CDCA2: variants seen among roughly 807,000 people sequenced by gnomAD.
CDCA2 encodes the protein cell division cycle associated 2.
CDCA2 carries 44 observed loss-of-function variants against 67.0 expected under a neutral mutation model. The ratio of observed to expected loss-of-function variants is 0.66; its 90% confidence interval spans 0.52 to 0.84. The LOEUF (loss-of-function observed/expected upper bound fraction) is 0.84, where lower values mean the gene tolerates loss of function less well. Ranked by LOEUF, CDCA2 falls within the 40% of genes least tolerant of loss-of-function variation. The pLI, the probability that CDCA2 is intolerant of heterozygous loss-of-function variation, is 0.00. For missense variants in CDCA2, 1,253 were observed against 1,203.2 expected, an observed-to-expected ratio of 1.04 and a Z score of -0.61; for synonymous variants, 447 against 418.7, an observed-to-expected ratio of 1.07 and a Z score of -0.82.
chr8:25,491,934 A>G (rs1804021194), intron 13 of CDCA2, among the ~76,000 whole-genome samples: 1 of 152,112 alleles, frequency 6.6e-6, no homozygotes, highest in Non-Finnish European at 1.5e-5. Flanking sequence ...GTTAGCTGGG[A>G]CTACAGGAAC....
intron 13 of CDCA2, among the ~76,000 whole-genome samples, chr8:25,496,362 A>C (rs1384860733): frequency 1.3e-5 from 2 of 152,152 alleles, no homozygotes; most frequent in Non-Finnish European, 2.9e-5. Flanking sequence ...TTTGAGCTCT[A>C]TTTCAGGTAA....
Position 25,462,206 on chromosome 8 carries a change from C to G in CDCA2, c.385C>G (p.Gln129Glu), listed in dbSNP as rs755314359. The change falls in exon 4 of 15, where the codon CAG becomes GAG. Residue 129 changes from glutamine to glutamate, a missense_variant and splice_region_variant. By Grantham distance (29) the Gln-to-Glu change is conservative. Transcript: ENST00000330560. ...KSPLAQDSPS[Q>E]GSPALYRNVN... ...TCCTTTGGCACAAGATTCTCCTTCC[C>G]AGGTATGATTTTCTTCTAAGTTCTG... The G allele has an allele frequency of 3.7e-6, 6 of 1,613,734 alleles. No homozygotes were observed.
chr8:25,501,543 G>T (rs773826775), intron 13 of CDCA2, among the ~76,000 whole-genome samples: 1 of 152,242 alleles, frequency 6.6e-6, no homozygotes, highest in Non-Finnish European at 1.5e-5. Flanking sequence ...GTGCTGTGCT[G>T]TCTCACTTTG....
rs546550162 is a variant in CDCA2 at position 25,491,175 on chromosome 8, G to A, written c.1671+2486G>A. On this transcript the variant is annotated intron_variant, in intron 13 of 14. Transcript: ENST00000330560. ...CTCCCAGAAGATAGAGCAAAAGAAA[G>A]ACTGGAAACGAGAATCTAGGAGACA... is the stretch of plus-strand genomic sequence containing the variant. 9.7e-4 allele frequency among the ~76,000 whole-genome samples: 148 copies of A among 152,224 alleles called. 1 individual carries two copies. The South Asian group carries it at 0.03, about 31-fold the overall frequency.
At chr8:25,488,808 C>T (rs976760712) in intron 13 of CDCA2, 119 bp downstream of exon 13, 8 of 1,007,878 alleles carry the variant, frequency 7.9e-6, no homozygotes, top group Non-Finnish European at 2.7e-6. Context: ...ATTATTAATG[C>T]AATCTTACCG....
In CDCA2 at chr8:25,483,891, G is replaced by T. The variant is rs1017996971; in HGVS notation, c.1121-75G>T. The T allele has an allele frequency of 1.1e-5, 14 of 1,264,528 alleles. No individual in the cohort carries two copies. The Admixed American group carries it at 2.7e-4, about 25-fold the overall frequency. 78.3% of individuals were successfully genotyped at this position (1,264,528 alleles called of 1,614,324 possible). ...ATAGCTGAATATTATCACATTAAAA[G>T]ATTCTAGTATATGCCTTTTAGATAA... On this transcript the variant is annotated intron_variant, in intron 9 of 14. Transcript: ENST00000330560.
chr8:25,467,056 A>AAG (rs1802934050), intron 5 of CDCA2, among the ~76,000 whole-genome samples: 1 of 142,000 alleles, frequency 7.0e-6, no homozygotes, highest in Non-Finnish European at 1.5e-5. Context: ...AAAAAAAAAA[A>AAG]AAAAAAAAAA....
Position 25,493,456 on chromosome 8 carries a change from T to C in CDCA2, c.1671+4767T>C, listed in dbSNP as rs141460744. On this transcript the variant is annotated intron_variant, in intron 13 of 14. Transcript: ENST00000330560. ...CTTTTGAACCATACAGCATGGAGCATGCGTAAGGAAAAAAATCCCCATAAG... is the reference window on the plus strand; with the variant it reads ...CTTTTGAACCATACAGCATGGAGCACGCGTAAGGAAAAAAATCCCCATAAG... Among the ~76,000 whole-genome samples, 107 of 152,162 alleles carry C rather than the reference T, an allele frequency of 7.0e-4. 1 individual carries two copies. The highest frequency in any genetic ancestry group is 2.5e-3 in the African/African-American group (104 of 41,512).
chr8:25,475,339 T>TATTATAAGTATTATTTAAAGTATACGG (rs1803306365), intron 7 of CDCA2, among the ~76,000 whole-genome samples: 1 of 152,020 alleles, frequency 6.6e-6, no homozygotes, highest in Non-Finnish European at 1.5e-5. Context: ...ACCAATATGG[T>TATTATAAGTATTATTTAAAGTATACGG]GAAATCCCGG....
chr8:25,472,609 G>A (rs370186520), intron 7 of CDCA2, among the ~76,000 whole-genome samples: 13 of 151,334 alleles, frequency 8.6e-5, no homozygotes, highest in African/African-American at 2.4e-4. Flanking sequence ...AATATCCAAC[G>A]CTCCTTCCTT....
chr8:25,464,359 T>C (rs552395498), intron 4 of CDCA2, among the ~76,000 whole-genome samples: 1 of 152,340 alleles, frequency 6.6e-6, no homozygotes, highest in South Asian at 2.1e-4. Context: ...GAGGCTGCAG[T>C]GAGCTGTGAT....
At chr8:25,486,486 T>C (rs11135870) in intron 11 of CDCA2, among the ~76,000 whole-genome samples, 146,303 of 152,206 alleles carry the variant, frequency 0.96, 70,551 homozygotes, top group East Asian at 1. Context: ...CCCTTAAACA[T>C]ATTATACCAC....
At chr8:25,490,893 A>C (rs539665571) in intron 13 of CDCA2, among the ~76,000 whole-genome samples, 8 of 152,162 alleles carry the variant, frequency 5.3e-5, no homozygotes, top group Non-Finnish European at 1.0e-4. Flanking sequence ...ATACCAACTT[A>C]CCCAATCTTA....
At chr8:25,486,330 A>G (rs943343808) in intron 11 of CDCA2, among the ~76,000 whole-genome samples, 10 of 152,178 alleles carry the variant, frequency 6.6e-5, no homozygotes, top group Admixed American at 3.3e-4. Flanking sequence ...GTCATGGGCC[A>G]GGCACCTTTA....
At chr8:25,504,700 A>G (rs980315553) in intron 14 of CDCA2, among the ~76,000 whole-genome samples, 2 of 152,082 alleles carry the variant, frequency 1.3e-5, no homozygotes, top group African/African-American at 2.4e-5. Context: ...TTCTCCTGCC[A>G]TGCTTTCTCA....
chr8:25,467,343 C>G (rs528052241), intron 5 of CDCA2, among the ~76,000 whole-genome samples: 1 of 152,192 alleles, frequency 6.6e-6, no homozygotes, highest in African/African-American at 2.4e-5. Flanking sequence ...CTCTGTTAGC[C>G]CAAGACAAGT....
chr8:25,494,393 A>G (rs1056116277), intron 13 of CDCA2, among the ~76,000 whole-genome samples: 3 of 152,214 alleles, frequency 2.0e-5, no homozygotes, highest in South Asian at 2.1e-4. Context: ...CATATTAACT[A>G]TGTAGCATTT....
In CDCA2 at chr8:25,489,618, C is replaced by T. The variant is rs893613170; in HGVS notation, c.1671+929C>T. ...CTGGCCTTCTTCTTCACCACTTTGC[C>T]GCTTCACTTCATTTTTAATACTAAA... On this transcript the variant is annotated intron_variant, in intron 13 of 14. Coordinates refer to ENST00000330560, the MANE Select transcript of CDCA2 (RefSeq NM_152562.4). Among the ~76,000 whole-genome samples the T allele has an allele frequency of 1.2e-4, 18 of 152,248 alleles. 1 individual carries two copies. In the South Asian group the frequency reaches 1.4e-3, roughly 12 times the overall value.
intron 7 of CDCA2, among the ~76,000 whole-genome samples, chr8:25,474,909 A>AT (rs1315515539): frequency 6.6e-6 from 1 of 152,162 alleles, no homozygotes; most frequent in Non-Finnish European, 1.5e-5. Flanking sequence ...TAAGCAGAGC[A>AT]CTGAGATTTG....
Sources: gnomAD v4.1 joint callset for allele counts (sites outside exome capture counted in the v4.1 genomes callset) on GRCh38, gnomAD v4.1.1 for gene constraint, MANE v1.5 for transcripts, NCBI Gene and HGNC (gene_info 2026-07-23, HGNC 2026-07-21) for gene names.